MAPRE2: variants seen among roughly 807,000 people sequenced by gnomAD.
The protein encoded by MAPRE2 is microtubule-associated protein RP/EB family member 2.
In MAPRE2, 13 loss-of-function variants were observed where a neutral mutation model predicts 43.2. The observed-to-expected ratio is 0.30, with a 90% CI of 0.20 to 0.48. MAPRE2 has a LOEUF of 0.48. Among genes scored for constraint, MAPRE2 ranks in the 20% least tolerant of loss-of-function variants. The probability of loss-of-function intolerance (pLI) is 0.99; values close to 1 mark genes in which losing one functional copy is unlikely to be tolerated. For synonymous variants in MAPRE2, 135 were observed against 148.8 expected (o/e 0.91, Z 0.68); for missense variants, 161 against 400.2 (o/e 0.40, Z 5.10).
intron 2 of MAPRE2, among the ~76,000 whole-genome samples, chr18:35,086,571 C>A (rs1267725509): frequency 1.3e-5 from 2 of 151,788 alleles, no homozygotes; most frequent in African/African-American, 4.8e-5. Flanking sequence ...CTATAAAAAT[C>A]TATAAAAATT....
At chr18:35,029,708 A>G (rs1286884892) in intron 2 of MAPRE2, among the ~76,000 whole-genome samples, 1 of 152,220 alleles carries the variant, frequency 6.6e-6, no homozygotes, top group Non-Finnish European at 1.5e-5. Context: ...TTCTCTTGCC[A>G]CCCAACTGAG....
chr18:35,118,045 G>C (rs1909490406), intron 4 of MAPRE2, among the ~76,000 whole-genome samples: 1 of 152,102 alleles, frequency 6.6e-6, no homozygotes, highest in Admixed American at 6.5e-5. Flanking sequence ...ATCTCTAGCA[G>C]GGACAGTAAG....
chr18:34,983,233 GAT>G (rs1407816353), intron 1 of MAPRE2, among the ~76,000 whole-genome samples: 1 of 152,162 alleles, frequency 6.6e-6, no homozygotes, highest in Non-Finnish European at 1.5e-5. Flanking sequence ...AAAAATAAAA[GAT>G]AGTTTATTTT....
chr18:35,130,092 G>C (rs1388045436), intron 5 of MAPRE2, among the ~76,000 whole-genome samples: 2 of 152,104 alleles, frequency 1.3e-5, no homozygotes, highest in African/African-American at 4.8e-5. Flanking sequence ...CAAAGCCCTA[G>C]GGAGCCAGAC....
chr18:35,074,890 T>C (rs569393018), intron 2 of MAPRE2, among the ~76,000 whole-genome samples: 6 of 152,336 alleles, frequency 3.9e-5, no homozygotes, highest in African/African-American at 1.2e-4. Flanking sequence ...CACTGAAAGC[T>C]GTTATTTTCC....
chr18:35,027,352 C>T (rs1027920136), intron 2 of MAPRE2, among the ~76,000 whole-genome samples: 1 of 152,180 alleles, frequency 6.6e-6, no homozygotes. Context: ...TGCCCTTCTG[C>T]CTGCTCATTA....
chr18:35,001,350 T>C (rs1159341341), intron 1 of MAPRE2, among the ~76,000 whole-genome samples: 1 of 151,846 alleles, frequency 6.6e-6, no homozygotes, highest in Non-Finnish European at 1.5e-5. Context: ...CCATCACTAC[T>C]AAAAAAATAC....
At chr18:35,026,023 C>T (rs2097044915) in intron 2 of MAPRE2, among the ~76,000 whole-genome samples, 1 of 152,124 alleles carries the variant, frequency 6.6e-6, no homozygotes, top group Non-Finnish European at 1.5e-5. Flanking sequence ...TAGGGAACCC[C>T]TGAAGACTTC....
At chr18:35,040,187 A>G (rs2097052900), upstream of MAPRE2, among the ~76,000 whole-genome samples, 1 of 152,194 alleles carries the variant, frequency 6.6e-6, no homozygotes, top group Non-Finnish European at 1.5e-5. Context: ...TGGGTGACAG[A>G]GCGAGACTCT....
intron 1 of MAPRE2, among the ~76,000 whole-genome samples, chr18:34,979,436 T>C (rs376535542): frequency 6.6e-6 from 1 of 152,174 alleles, no homozygotes; most frequent in African/African-American, 2.4e-5. Context: ...GCACATTTAA[T>C]ATCTGATCAG....
At chr18:35,113,467 T>TA (rs200015588) in intron 4 of MAPRE2, among the ~76,000 whole-genome samples, 15 of 151,822 alleles carry the variant, frequency 9.9e-5, no homozygotes, top group South Asian at 4.2e-4. Flanking sequence ...CATTGTTTTT[T>TA]AAAAAAAAAC....
At chr18:35,132,857 G>A (rs540069266) in intron 6 of MAPRE2, among the ~76,000 whole-genome samples, 1 of 152,186 alleles carries the variant, frequency 6.6e-6, no homozygotes, top group South Asian at 2.1e-4. Context: ...AGAAAGCGGG[G>A]CAGGATGCAT....
At chr18:35,019,126 A>C (rs114847636) in intron 2 of MAPRE2, among the ~76,000 whole-genome samples, 1 of 151,798 alleles carries the variant, frequency 6.6e-6, no homozygotes, top group East Asian at 1.9e-4. Context: ...TAACTTCCAT[A>C]TTATGTACCT....
chr18:35,049,199 C>T (rs1905808396), intron 1 of MAPRE2, among the ~76,000 whole-genome samples: 1 of 152,108 alleles, frequency 6.6e-6, no homozygotes, highest in Non-Finnish European at 1.5e-5. Context: ...CACAGCTATA[C>T]TTTGATTATA....
At chr18:35,071,975 T>G (rs1432371049) in intron 2 of MAPRE2, among the ~76,000 whole-genome samples, 1 of 152,196 alleles carries the variant, frequency 6.6e-6, no homozygotes, top group Non-Finnish European at 1.5e-5. Flanking sequence ...CAATACAAGA[T>G]AGAGAAAAGC....
At chr18:35,128,479 C>T (rs560420785) in intron 5 of MAPRE2, among the ~76,000 whole-genome samples, 129 of 152,246 alleles carry the variant, frequency 8.5e-4, no homozygotes, top group African/African-American at 3.0e-3. Context: ...TAAAAAATAG[C>T]AATACAAACA....
rs1032650896 is a variant in MAPRE2, at chr18:35,141,603, A to AT, written c.*1240dup. ...CATTAATGAATTAAAAGCATTCCTTATTTTTTAACTAATATTTGTACATTT... is the reference window on the plus strand; with the variant it reads ...CATTAATGAATTAAAAGCATTCCTTATTTTTTTAACTAATATTTGTACATTT... On this transcript the variant is annotated 3_prime_UTR_variant, in exon 7 of 7. Transcript: ENST00000300249. The AT allele has an allele frequency of 1.3e-5, 2 of 151,932 alleles. No homozygotes were observed. Among genetic ancestry groups the AT allele is most frequent in the Non-Finnish European group, 2.9e-5 (2 of 68,026 alleles). 9.4% of individuals were successfully genotyped at this position (151,932 alleles called of 1,614,324 possible). A position where few individuals can be genotyped will look rare whatever the true frequency, so the allele number is the denominator to read the frequency against.
chr18:34,986,640 T>C (rs1170759239), intron 1 of MAPRE2, among the ~76,000 whole-genome samples: 2 of 152,180 alleles, frequency 1.3e-5, no homozygotes, highest in Admixed American at 6.5e-5. Flanking sequence ...TGATGTAGTA[T>C]TGGCAAATCC....
chr18:35,049,427 G>T (rs1354149963), intron 1 of MAPRE2, among the ~76,000 whole-genome samples: 1 of 152,152 alleles, frequency 6.6e-6, no homozygotes, highest in African/African-American at 2.4e-5. Flanking sequence ...CACAATTATT[G>T]TTACATTAAA....
Sources: gnomAD v4.1 joint callset for allele counts (sites outside exome capture counted in the v4.1 genomes callset) on GRCh38, gnomAD v4.1.1 for gene constraint, MANE v1.5 for transcripts, NCBI Gene and HGNC (gene_info 2026-07-23, HGNC 2026-07-21) for gene names.